SLC25A33: variants seen among roughly 807,000 people sequenced by gnomAD.
SLC25A33 encodes the protein solute carrier family 25 member 33.
Under a neutral mutation model 35.5 loss-of-function variants are expected in SLC25A33, and 15 were observed. That is an observed-to-expected ratio of 0.42 (90% CI 0.28 to 0.65). The LOEUF (loss-of-function observed/expected upper bound fraction) is 0.65. Ranked by LOEUF, SLC25A33 falls within the 30% of genes least tolerant of loss-of-function variation. SLC25A33 has a pLI of 0.20. For missense variants in SLC25A33, 257 were observed against 398.5 expected (o/e 0.64, Z 3.02); for synonymous variants, 136 against 148.7 (o/e 0.91, Z 0.62).
rs188009345 is a variant in SLC25A33 at position 9,583,360 on chromosome 1, C to T, written c.*859C>T. 6.6e-6 allele frequency: 1 copy of T among 152,256 alleles called. No homozygotes were observed. The highest frequency in any genetic ancestry group is 6.5e-5 in the Admixed American group (1 of 15,282). 9.4% of individuals were successfully genotyped at this position (152,256 alleles called of 1,614,324 possible). A position where few individuals can be genotyped will look rare whatever the true frequency, so the allele number is the denominator to read the frequency against. ...AGACTGCTGAGATGAATATATATAA[C>T]TTTCTGAGACTCAATATTTTAAGCT... On this transcript the variant is annotated 3_prime_UTR_variant, in exon 7 of 7. Coordinates refer to ENST00000302692, the MANE Select transcript of SLC25A33 (RefSeq NM_032315.3).
At chr1:9,572,536 T>G (rs1332307207) in intron 4 of SLC25A33, among the ~76,000 whole-genome samples, 1 of 151,668 alleles carries the variant, frequency 6.6e-6, no homozygotes, top group Non-Finnish European at 1.5e-5. Flanking sequence ...GTGAATGGCG[T>G]CAACCCGGGA....
chr1:9,552,564 G>T (rs1297575666), intron 1 of SLC25A33, among the ~76,000 whole-genome samples: 1 of 152,120 alleles, frequency 6.6e-6, no homozygotes, highest in African/African-American at 2.4e-5. Context: ...AGAAGGGTCT[G>T]TATTGGAGTA....
intron 2 of SLC25A33, 31 bp from the exon 3 acceptor site, chr1:9,567,253 T>G: frequency 6.3e-7 from 1 of 1,593,402 alleles, no homozygotes; most frequent in Non-Finnish European, 8.6e-7. Context: ...GCCTGAGGGG[T>G]TTTAAAGGTT....
At chr1:9,579,290 A>G (rs1643704712) in intron 5 of SLC25A33, among the ~76,000 whole-genome samples, 1 of 152,036 alleles carries the variant, frequency 6.6e-6, no homozygotes, top group Admixed American at 6.5e-5. Flanking sequence ...AGCCCCACAG[A>G]TTGGGGGCTC....
At chr1:9,559,075 G>T (rs1643383752) in intron 2 of SLC25A33, among the ~76,000 whole-genome samples, 1 of 152,174 alleles carries the variant, frequency 6.6e-6, no homozygotes, top group Admixed American at 6.5e-5. Flanking sequence ...GACATTGTCT[G>T]CACGGCTGAC....
intron 1 of SLC25A33, among the ~76,000 whole-genome samples, chr1:9,549,361 G>C (rs191756646): frequency 9.3e-5 from 13 of 139,090 alleles, no homozygotes; most frequent in African/African-American, 3.5e-4. Flanking sequence ...GGATCAATGG[G>C]GGGGATGAAC....
At chr1:9,576,582 T>C in intron 5 of SLC25A33, 1 of 564,922 alleles carries the variant, frequency 1.8e-6, no homozygotes, top group Admixed American at 1.9e-5. Context: ...GGCTCTGGAG[T>C]GCCACACGGT....
At chr1:9,566,049 A>G (rs1183583909) in intron 2 of SLC25A33, among the ~76,000 whole-genome samples, 1 of 150,474 alleles carries the variant, frequency 6.6e-6, no homozygotes, top group Non-Finnish European at 1.5e-5. Context: ...TTTTGTTTTT[A>G]ATTTTTGAGA....
Position 9,582,786 on chromosome 1 carries a change from G to A in SLC25A33, c.*285G>A. On this transcript the variant is annotated 3_prime_UTR_variant, in exon 7 of 7. Coordinates refer to ENST00000302692, the MANE Select transcript of SLC25A33 (RefSeq NM_032315.3). This position sits in a 1 kb window ranked among gnomAD's most constrained non-coding sequence, Gnocchi z 4.0. ...TAATTTAAGTATACATTTGGCTTGT[G>A]TCCTCTTTTATGCTCACTATACTAT... is the stretch of plus-strand genomic sequence containing the variant. 2.6e-6 allele frequency: 1 copy of A among 385,336 alleles called. No individual in the cohort carries two copies. The highest frequency in any genetic ancestry group is 5.6e-5 in the East Asian group (1 of 17,984). The allele number at this position is 385,336 out of a possible 1,614,324, so 23.9% of individuals were successfully genotyped here.
chr1:9,563,288 T>TA (rs1643453109), intron 2 of SLC25A33, among the ~76,000 whole-genome samples: 1 of 152,218 alleles, frequency 6.6e-6, no homozygotes, highest in South Asian at 2.1e-4. Context: ...ACTTTTTTCT[T>TA]TCCACTCTTT....
chr1:9,540,748 G>T (rs1643066920), intron 1 of SLC25A33, among the ~76,000 whole-genome samples: 1 of 152,162 alleles, frequency 6.6e-6, no homozygotes, highest in African/African-American at 2.4e-5. Flanking sequence ...AGTAGTTGCA[G>T]CCTGGATTCC....
At position 9,572,130 on chromosome 1, in the gene SLC25A33, A is replaced by G. The variant is rs114886405; in HGVS notation, c.416-1216A>G. ...AGAAAATCTTAAAGTTGCTTTATAC[A>G]AGGAAGCCATTTCTATGTGATACAG... On this transcript the variant is annotated intron_variant, in intron 4 of 6. Coordinates refer to ENST00000302692, the MANE Select transcript of SLC25A33 (RefSeq NM_032315.3). Among the ~76,000 whole-genome samples the G allele has an allele frequency of 9.6e-3, 1,467 of 152,318 alleles. 19 individuals are homozygous for G. The highest frequency in any genetic ancestry group is 0.033 in the African/African-American group (1,367 of 41,554).
chr1:9,580,434 A>C (rs112034759), intron 6 of SLC25A33, among the ~76,000 whole-genome samples, 200 bp downstream of exon 6: 19 of 152,222 alleles, frequency 1.2e-4, no homozygotes, highest in African/African-American at 4.3e-4. Context: ...AATCCAGCTG[A>C]TTATAGCCAA....
intron 1 of SLC25A33, among the ~76,000 whole-genome samples, chr1:9,544,615 A>G (rs1255883671): frequency 6.6e-6 from 1 of 152,164 alleles, no homozygotes; most frequent in Non-Finnish European, 1.5e-5. Flanking sequence ...CAGTGTATAC[A>G]GAAAAGCACC....
At position 9,539,629 on chromosome 1, in the gene SLC25A33, A is replaced by C; in HGVS notation, c.-63A>C. On this transcript the variant is annotated 5_prime_UTR_variant, in exon 1 of 7. Coordinates refer to ENST00000302692, the MANE Select transcript of SLC25A33 (RefSeq NM_032315.3). ...GAGACAAGACCCGGCGACCTCGCGC[A>C]TCCCTCGAGCCGCCACGCGCTCTCG... 2 of 1,264,462 alleles carry C rather than the reference A, an allele frequency of 1.6e-6. No homozygotes were observed. The highest frequency in any genetic ancestry group is 2.0e-6 in the Non-Finnish European group (2 of 993,698). 78.3% of individuals were successfully genotyped at this position (1,264,462 alleles called of 1,614,324 possible).
At chr1:9,572,901 C>T (rs970301986) in intron 4 of SLC25A33, among the ~76,000 whole-genome samples, 1 of 60,906 alleles carries the variant, frequency 1.6e-5, no homozygotes, top group South Asian at 4.8e-4. Flanking sequence ...CCCGTCTCTA[C>T]AAAAAAAAAA....
At chr1:9,570,700 T>G (rs1033094630) in intron 4 of SLC25A33, among the ~76,000 whole-genome samples, 3 of 143,132 alleles carry the variant, frequency 2.1e-5, no homozygotes, top group Non-Finnish European at 4.5e-5. Context: ...TAGATAGATA[T>G]AGTTTTTTTT....
At chr1:9,566,479 G>T (rs1643507687) in intron 2 of SLC25A33, among the ~76,000 whole-genome samples, 1 of 152,134 alleles carries the variant, frequency 6.6e-6, no homozygotes. Context: ...ATTATTCCCT[G>T]TGTGGCACCC....
chr1:9,545,148 A>T (rs1345345107), intron 1 of SLC25A33, among the ~76,000 whole-genome samples: 2 of 152,108 alleles, frequency 1.3e-5, no homozygotes, highest in Non-Finnish European at 2.9e-5. Flanking sequence ...TCAGTTTTGG[A>T]AAGGAATAAT....
Sources: allele counts gnomAD v4.1 joint callset (sites outside exome capture counted in the v4.1 genomes callset), GRCh38; gene constraint gnomAD v4.1.1; non-coding constraint Gnocchi (gnomAD v3.1); transcripts MANE v1.5; gene names NCBI Gene and HGNC (gene_info 2026-07-23, HGNC 2026-07-21).